The following NAALADL2 variants were observed in gnomAD, a reference collection of about 807,000 sequenced individuals.
NAALADL2 encodes the protein N-acetylated alpha-linked acidic dipeptidase like 2.
NAALADL2 carries 76 observed loss-of-function variants against 87.2 expected under a neutral mutation model. The observed-to-expected ratio is 0.87, with a 90% confidence interval of 0.72 to 1.05. The LOEUF (loss-of-function observed/expected upper bound fraction) is 1.05, where lower values mean the gene tolerates loss of function less well. Among genes scored for constraint, NAALADL2 ranks in the 50% least tolerant of loss-of-function variants. The pLI is 0.00. For missense variants in NAALADL2, 1,089 were observed against 945.8 expected (o/e 1.15, Z -1.99); for synonymous variants, 354 against 331.0 (o/e 1.07, Z -0.75).
At position 175,698,338 on chromosome 3, in the gene NAALADL2, TATGTATGTGTATTTATGTATGTGTATA is replaced by T. The variant is rs1308813233; in HGVS notation, c.1897-38967_1897-38941del. On this transcript the variant is annotated intron_variant, in intron 11 of 13. Coordinates refer to ENST00000454872, the MANE Select transcript of NAALADL2 (RefSeq NM_207015.3). Reference sequence around the variant, plus strand: ...GTATGTGTATTTATGTATGTGTATATATGTATGTGTATTTATGTATGTGTATATATGTATGTGTATTTATGTATGTAT... The same window carrying T: ...GTATGTGTATTTATGTATGTGTATATTATGTATGTGTATTTATGTATGTAT... Among the ~76,000 whole-genome samples the T allele has an allele frequency of 7.9e-5, 9 of 114,216 alleles. 1 individual carries two copies. Among genetic ancestry groups the T allele is most frequent in the Non-Finnish European group, 1.2e-4 (7 of 59,206 alleles). The allele number at this position is 114,216 out of a possible 152,430, so 74.9% of individuals were successfully genotyped here.
chr3:175,477,311 G>A (rs959647102), intron 9 of NAALADL2, among the ~76,000 whole-genome samples: 5 of 151,920 alleles, frequency 3.3e-5, no homozygotes, highest in African/African-American at 7.2e-5. Context: ...TAACACTTTC[G>A]AACCTGACTC....
chr3:175,015,251 C>G (rs2108834644), intron 1 of NAALADL2, among the ~76,000 whole-genome samples: 1 of 152,224 alleles, frequency 6.6e-6, no homozygotes, highest in South Asian at 2.1e-4. Flanking sequence ...GAAACCATGA[C>G]AACAACATTT....
intron 11 of NAALADL2, among the ~76,000 whole-genome samples, chr3:175,667,743 G>GTTT (rs58514374): frequency 4.2e-5 from 5 of 120,048 alleles, no homozygotes; most frequent in Admixed American, 8.6e-5. Flanking sequence ...GTTTTTTGCT[G>GTTT]TTTTTTTTTT....
intron 2 of NAALADL2, among the ~76,000 whole-genome samples, chr3:174,674,974 T>C (rs1726913648): frequency 6.6e-6 from 1 of 152,134 alleles, no homozygotes; most frequent in Admixed American, 6.6e-5. Flanking sequence ...ACCTTAGTTA[T>C]AGGTTATATG....
intron 3 of NAALADL2, among the ~76,000 whole-genome samples, chr3:175,243,804 T>G (rs982720433): frequency 4.6e-5 from 7 of 152,116 alleles, no homozygotes; most frequent in Non-Finnish European, 1.0e-4. Context: ...GGAATTTCCT[T>G]CAGATTTCCC....
chr3:175,314,072 CAAAAAAAA>C (rs10678475), intron 4 of NAALADL2, among the ~76,000 whole-genome samples: 2 of 79,850 alleles, frequency 2.5e-5, no homozygotes, highest in Non-Finnish European at 5.3e-5. Flanking sequence ...GACTCCATCT[CAAAAAAAA>C]AAAAAAAAAA....
At chr3:174,806,385 A>T (rs990871773) in intron 3 of NAALADL2, among the ~76,000 whole-genome samples, 2 of 152,140 alleles carry the variant, frequency 1.3e-5, no homozygotes, top group African/African-American at 2.4e-5. Flanking sequence ...TTTCTTTGTA[A>T]GTCGGTCAAT....
chr3:175,415,890 G>A (rs1460746962), intron 5 of NAALADL2, among the ~76,000 whole-genome samples: 2 of 150,946 alleles, frequency 1.3e-5, no homozygotes, highest in African/African-American at 4.9e-5. Flanking sequence ...AAAATGGGAG[G>A]ATTGCTTGAG....
At chr3:175,455,503 C>T (rs1041272634) in intron 6 of NAALADL2, among the ~76,000 whole-genome samples, 9 of 151,748 alleles carry the variant, frequency 5.9e-5, no homozygotes, top group East Asian at 1.9e-4. Flanking sequence ...TTCTCATATT[C>T]GTATTATTTA....
intron 13 of NAALADL2, among the ~76,000 whole-genome samples, chr3:175,762,192 A>ATTTTTTTTTTTTTTT (rs55668165): frequency 1.1e-4 from 13 of 114,128 alleles, no homozygotes; most frequent in South Asian, 2.9e-4. Context: ...CTGTGTTTCG[A>ATTTTTTTTTTTTTTT]TTTTTTTTTT....
At chr3:175,320,789 G>A (rs1377140936) in intron 4 of NAALADL2, among the ~76,000 whole-genome samples, 2 of 151,892 alleles carry the variant, frequency 1.3e-5, no homozygotes, top group Non-Finnish European at 2.9e-5. Context: ...AAACCAGGAA[G>A]AAGTTGAATC....
chr3:175,785,962 G>A (rs565050876), intron 13 of NAALADL2, among the ~76,000 whole-genome samples: 435 of 151,866 alleles, frequency 2.9e-3, no homozygotes, highest in South Asian at 3.5e-3. Context: ...CTTCACTTAT[G>A]AAGCTTAGTT....
At chr3:175,377,529 G>A (rs1488885642) in intron 5 of NAALADL2, among the ~76,000 whole-genome samples, 1 of 152,096 alleles carries the variant, frequency 6.6e-6, no homozygotes, top group African/African-American at 2.4e-5. Context: ...TTCCTTTAAT[G>A]TTATTGATGG....
chr3:174,826,047 AACAACG>A lies in NAALADL2; in HGVS notation c.-9+88307_-9+88312del, dbSNP rs879304576. ...CATCTCAAACAACAACAACAACAAC[AACAACG>A]ACAACAACAACAACAACAACAATCA... On this transcript the variant is annotated intron_variant, in intron 3 of 3. Transcript: ENST00000434257. Among the ~76,000 whole-genome samples the A allele has an allele frequency of 4.1e-3, 609 of 149,082 alleles. 3 individuals carry two copies. The highest frequency in any genetic ancestry group is 0.02 in the Middle Eastern group (6 of 294).
rs149742845 is a variant in NAALADL2, at chr3:175,047,416, G to A, written c.44-49374G>A. ...TTTTAAATTTCTTCTCTGGTTGATA[G>A]GTCTGTAATAAGTTTATTCTTCAAA... On this transcript the variant is annotated intron_variant, in intron 1 of 13. Coordinates refer to ENST00000454872, the MANE Select transcript of NAALADL2 (RefSeq NM_207015.3). Among the ~76,000 whole-genome samples, 396 of 152,124 alleles carry A rather than the reference G, an allele frequency of 2.6e-3. 1 individual carries two copies. The highest frequency in any genetic ancestry group is 8.8e-3 in the African/African-American group (364 of 41,512).
intron 9 of NAALADL2, among the ~76,000 whole-genome samples, chr3:175,504,056 G>A (rs1313501265): frequency 6.6e-6 from 1 of 152,128 alleles, no homozygotes; most frequent in Non-Finnish European, 1.5e-5. Flanking sequence ...GGTTTTTATA[G>A]TTTTAGGTTT....
At chr3:174,493,939 G>A (rs1348913409) in intron 1 of NAALADL2, among the ~76,000 whole-genome samples, 4 of 152,140 alleles carry the variant, frequency 2.6e-5, no homozygotes, top group Admixed American at 6.6e-5. Flanking sequence ...AAGGTGTGCC[G>A]GATTAGAGAT....
At chr3:175,517,149 T>C (rs1582216906) in intron 9 of NAALADL2, among the ~76,000 whole-genome samples, 1 of 152,344 alleles carries the variant, frequency 6.6e-6, no homozygotes, top group South Asian at 2.1e-4. Context: ...ATGCCCTTTA[T>C]ATTTCTTCCA....
chr3:174,599,273 G>A (rs1718217956), intron 2 of NAALADL2, among the ~76,000 whole-genome samples: 1 of 152,078 alleles, frequency 6.6e-6, no homozygotes, highest in Non-Finnish European at 1.5e-5. Context: ...CTATAAGGTT[G>A]ATAGCTATGA....
Sources: allele counts gnomAD v4.1 joint callset (sites outside exome capture counted in the v4.1 genomes callset), GRCh38; gene constraint gnomAD v4.1.1; transcripts MANE v1.5; gene names NCBI Gene and HGNC (gene_info 2026-07-23, HGNC 2026-07-21).